The following ZMAT4 variants were observed in gnomAD, a reference collection of about 807,000 sequenced individuals.
ZMAT4 encodes the protein zinc finger matrin-type protein 4.
ZMAT4 carries 17 observed loss-of-function variants against 28.7 expected under a neutral mutation model. The ratio of observed to expected loss-of-function variants is 0.59; its 90% CI spans 0.41 to 0.89. The LOEUF is 0.89. Ranked by LOEUF, ZMAT4 falls within the 40% of genes least tolerant of loss-of-function variation. The pLI is 0.00. For missense variants in ZMAT4, 240 were observed against 283.8 expected, an observed-to-expected ratio of 0.85 and a Z score of 1.11; for synonymous variants, 117 against 109.2, an observed-to-expected ratio of 1.07 and a Z score of -0.44.
In ZMAT4 at chr8:40,636,015, A is replaced by C. The variant is rs144509059; in HGVS notation, c.577+38689T>G. Among the ~76,000 whole-genome samples the C allele has an allele frequency of 1.9e-4, 29 of 152,348 alleles. No individual in the cohort carries two copies. The East Asian group carries it at 5.4e-3, about 28-fold the overall frequency. ...TTCATTTCAAGGTTAGAGACGTTTGAGTAAGTTTCCTATCCGACTGTTGTA... is the reference window on the plus strand; with the variant it reads ...TTCATTTCAAGGTTAGAGACGTTTGCGTAAGTTTCCTATCCGACTGTTGTA... On this transcript the variant is annotated intron_variant, in intron 5 of 6. Coordinates refer to ENST00000297737, the MANE Select transcript of ZMAT4 (RefSeq NM_024645.3).
intron 1 of ZMAT4, among the ~76,000 whole-genome samples, chr8:40,846,378 A>T (rs954530347): frequency 6.6e-6 from 1 of 152,206 alleles, no homozygotes; most frequent in Non-Finnish European, 1.5e-5. Context: ...GCAAAGGCGC[A>T]GAGCTCAGGG....
chr8:40,830,161 G>C (rs902599681), intron 1 of ZMAT4, among the ~76,000 whole-genome samples: 2 of 152,152 alleles, frequency 1.3e-5, no homozygotes, highest in African/African-American at 4.8e-5. Context: ...GAGACCTGGG[G>C]CTTCATGGAA....
chr8:40,667,146 T>A (rs1008429517), intron 5 of ZMAT4, among the ~76,000 whole-genome samples: 17 of 151,934 alleles, frequency 1.1e-4, no homozygotes, highest in African/African-American at 2.7e-4. Context: ...CTTTTTTTTT[T>A]ATTTTTTTTA....
chr8:40,718,591 T>C (rs754852166), intron 3 of ZMAT4, among the ~76,000 whole-genome samples: 3 of 152,180 alleles, frequency 2.0e-5, no homozygotes, highest in Non-Finnish European at 2.9e-5. Context: ...AAATCACCCA[T>C]GACCCTTGGG....
chr8:40,776,163 TTTC>T (rs1016641539), intron 2 of ZMAT4, among the ~76,000 whole-genome samples: 1 of 152,250 alleles, frequency 6.6e-6, no homozygotes, highest in African/African-American at 2.4e-5. Flanking sequence ...TCCTGGGGTC[TTTC>T]TTCTTCTACA....
intron 1 of ZMAT4, among the ~76,000 whole-genome samples, chr8:40,890,869 C>T (rs577238035): frequency 1.3e-5 from 2 of 152,112 alleles, no homozygotes; most frequent in South Asian, 4.2e-4. Flanking sequence ...ACCCTCCTCC[C>T]ATCCACCTGA....
intron 5 of ZMAT4, among the ~76,000 whole-genome samples, chr8:40,663,158 T>A (rs1290635696): frequency 6.6e-6 from 1 of 152,104 alleles, no homozygotes; most frequent in Non-Finnish European, 1.5e-5. Context: ...TAACCCAAGG[T>A]CCCATCTGAC....
chr8:40,774,998 G>C (rs1813532444), intron 2 of ZMAT4, among the ~76,000 whole-genome samples: 1 of 152,108 alleles, frequency 6.6e-6, no homozygotes, highest in African/African-American at 2.4e-5. Flanking sequence ...ATATGTCCCA[G>C]AAAGACCAAG....
At chr8:40,609,003 T>C in intron 5 of ZMAT4, among the ~76,000 whole-genome samples, 1 of 152,162 alleles carries the variant, frequency 6.6e-6, no homozygotes, top group Non-Finnish European at 1.5e-5. Flanking sequence ...CCTGCGGTAG[T>C]TCTTGGAGTG....
intron 1 of ZMAT4, among the ~76,000 whole-genome samples, chr8:40,878,108 C>T (rs1224898443): frequency 1.3e-5 from 2 of 152,220 alleles, no homozygotes; most frequent in Admixed American, 1.3e-4. Flanking sequence ...GAATGAATGG[C>T]TTCCAATGGC....
intron 5 of ZMAT4, among the ~76,000 whole-genome samples, chr8:40,628,673 G>A (rs1030784781): frequency 1.3e-5 from 2 of 152,152 alleles, no homozygotes; most frequent in Non-Finnish European, 2.9e-5. Flanking sequence ...ATGGTGTAAA[G>A]GTTGGTAGCT....
At chr8:40,847,721 G>A (rs1229655992) in intron 1 of ZMAT4, among the ~76,000 whole-genome samples, 7 of 152,104 alleles carry the variant, frequency 4.6e-5, no homozygotes, top group Non-Finnish European at 1.0e-4. Context: ...TAATTGGGCT[G>A]TGAGGGAAAT....
chr8:40,764,509 A>G (rs1361273638), intron 3 of ZMAT4, among the ~76,000 whole-genome samples: 2 of 152,110 alleles, frequency 1.3e-5, no homozygotes, highest in South Asian at 2.1e-4. Context: ...GGGTTCATAC[A>G]TGGTCAGGGT....
At chr8:40,714,418 TATATTG>T (rs1563430419) in intron 3 of ZMAT4, among the ~76,000 whole-genome samples, 165 of 152,338 alleles carry the variant, frequency 1.1e-3, no homozygotes, top group African/African-American at 3.7e-3. Flanking sequence ...GGTATAGTCA[TATATTG>T]ATACATTAGG....
chr8:40,645,248 T>C (rs550003705), intron 5 of ZMAT4, among the ~76,000 whole-genome samples: 1 of 152,298 alleles, frequency 6.6e-6, no homozygotes, highest in African/African-American at 2.4e-5. Flanking sequence ...CTAAAACTAT[T>C]CTAAAATAAA....
At chr8:40,550,275 A>G (rs1048766984) in intron 6 of ZMAT4, among the ~76,000 whole-genome samples, 1 of 152,274 alleles carries the variant, frequency 6.6e-6, no homozygotes, top group Non-Finnish European at 1.5e-5. Context: ...AGTGTCCAGG[A>G]TGCTTCCACC....
intron 3 of ZMAT4, among the ~76,000 whole-genome samples, chr8:40,725,734 G>C (rs952640087): frequency 6.6e-6 from 1 of 152,050 alleles, no homozygotes. Flanking sequence ...TCGTGCCACT[G>C]CACTCCAGCC....
rs75779349 is a variant in ZMAT4 at position 40,711,006 on chromosome 8, G to A, written c.193-13605C>T. On this transcript the variant is annotated intron_variant, in intron 3 of 6. Transcript: ENST00000297737. ...TCACCATGTTGGCTAGGATGGTCTC[G>A]ATCTCTTGACCTCGTGATCCACCCA... is the stretch of plus-strand genomic sequence containing the variant. Among the ~76,000 whole-genome samples, 373 of 152,042 alleles carry A rather than the reference G, an allele frequency of 2.5e-3. 7 individuals carry two copies. The East Asian group carries it at 0.065, about 26-fold the overall frequency.
Position 40,748,623 on chromosome 8 carries a change from C to T in ZMAT4, c.192+19018G>A, listed in dbSNP as rs118168662. ...CAAGCAAAGCCCCAATGTGCAAATGCCAACACCATATTTTTTTACTCTTTG... is the reference window on the plus strand; with the variant it reads ...CAAGCAAAGCCCCAATGTGCAAATGTCAACACCATATTTTTTTACTCTTTG... On this transcript the variant is annotated intron_variant, in intron 3 of 6. Transcript: ENST00000297737. 1.6e-3 allele frequency among the ~76,000 whole-genome samples: 240 copies of T among 152,264 alleles called. 2 individuals carry two copies. Among genetic ancestry groups the T allele is most frequent in the Non-Finnish European group, 2.6e-3 (174 of 68,020 alleles).
Sources: allele counts gnomAD v4.1 joint callset (sites outside exome capture counted in the v4.1 genomes callset), GRCh38; gene constraint gnomAD v4.1.1; transcripts MANE v1.5; gene names NCBI Gene and HGNC (gene_info 2026-07-23, HGNC 2026-07-21).